The following PADI2 variants were observed in gnomAD, a reference collection of about 807,000 sequenced individuals.
PADI2 encodes the protein peptidyl arginine deiminase 2, also known as protein-arginine deiminase type-2.
In PADI2, 70 loss-of-function variants were observed where a neutral mutation model predicts 81.1. The ratio of observed to expected loss-of-function variants is 0.86; its 90% confidence interval spans 0.71 to 1.05. The LOEUF (loss-of-function observed/expected upper bound fraction) is 1.05. Among genes scored for constraint, PADI2 ranks in the 50% least tolerant of loss-of-function variants. The pLI is 0.00. For missense variants in PADI2, 853 were observed against 889.9 expected, an observed-to-expected ratio of 0.96 and a Z score of 0.53; for synonymous variants, 338 against 358.0, an observed-to-expected ratio of 0.94 and a Z score of 0.63.
Position 17,102,967 on chromosome 1 carries a change from C to A in PADI2, c.349+20G>T. ...GCCCTGGGTGATGAAGGCACTGAGA[C>A]GGCAACCATGCCAACTCACCAATGG... On this transcript the variant is annotated intron_variant, in intron 3 of 15. Coordinates refer to ENST00000375486, the MANE Select transcript of PADI2 (RefSeq NM_007365.3). The A allele has an allele frequency of 6.3e-7, 1 of 1,591,628 alleles. No homozygotes were observed. Among genetic ancestry groups the A allele is most frequent in the South Asian group, 1.1e-5 (1 of 89,724 alleles).
At chr1:17,096,048 T>C in intron 3 of PADI2, 78 bp from the exon 4 acceptor site, 1 of 1,089,032 alleles carries the variant, frequency 9.2e-7, no homozygotes. Context: ...ACCTGTGGGA[T>C]TTGGGTGCGT....
chr1:17,103,054 G>T lies in PADI2; in HGVS notation c.282C>A (p.Thr94=), dbSNP rs371303616. The change falls in exon 3 of 16, where the codon ACC becomes ACA. Residue 94 remains threonine, a synonymous_variant. Transcript: ENST00000375486. Reference sequence around the variant, plus strand: ...TCCCTTCCTCGTCATAGTAGTTGACGGTGACCTTGGTGGGGAGGGGGCACA... The same window carrying T: ...TCCCTTCCTCGTCATAGTAGTTGACTGTGACCTTGGTGGGGAGGGGGCACA... The part of the protein sequence containing the change: ...ASTEASSDKV[T]VNYYDEEGSI... The T allele has an allele frequency of 1.2e-6, 2 of 1,612,100 alleles. No individual in the cohort carries two copies. The highest frequency in any genetic ancestry group is 2.2e-5 in the East Asian group (1 of 44,852).
At chr1:17,092,315 C>G in intron 6 of PADI2, 93 bp downstream of exon 6, 1 of 1,084,648 alleles carries the variant, frequency 9.2e-7, no homozygotes, top group Non-Finnish European at 1.3e-6. Context: ...CAGGTCTTCC[C>G]CAGGCACCTG....
At position 17,079,919 on chromosome 1, in the gene PADI2, C is replaced by T. The variant is rs1016019953; in HGVS notation, c.1159-504G>A. On this transcript the variant is annotated intron_variant, in intron 10 of 15. Coordinates refer to ENST00000375486, the MANE Select transcript of PADI2 (RefSeq NM_007365.3). The stretch of plus-strand genomic sequence containing the variant: ...AGTGATTCTCCTGCCTCAGCCTCCC[C>T]AGTGGCTAGGATTATAGGCAAGCAC... 7.0e-4 allele frequency among the ~76,000 whole-genome samples: 107 copies of T among 151,788 alleles called. 1 individual carries two copies. Among genetic ancestry groups the T allele is most frequent in the African/African-American group, 2.5e-3 (104 of 41,288 alleles).
chr1:17,099,763 C>T (rs1339502989), intron 3 of PADI2, among the ~76,000 whole-genome samples: 2 of 152,320 alleles, frequency 1.3e-5, no homozygotes, highest in East Asian at 1.9e-4. Flanking sequence ...CACTCTGTGC[C>T]GGGCCCTTCG....
intron 10 of PADI2, among the ~76,000 whole-genome samples, chr1:17,080,010 C>T (rs2078332598): frequency 1.3e-5 from 2 of 152,064 alleles, no homozygotes; most frequent in Non-Finnish European, 2.9e-5. Flanking sequence ...AGGCTGGTCT[C>T]GAACTCCTGA....
chr1:17,101,403 G>A (rs1021107992), intron 3 of PADI2, among the ~76,000 whole-genome samples: 3 of 152,150 alleles, frequency 2.0e-5, no homozygotes, highest in Non-Finnish European at 4.4e-5. Flanking sequence ...GTCCTCAGGT[G>A]TCCCTATCTT....
intron 1 of PADI2, among the ~76,000 whole-genome samples, chr1:17,108,191 C>T (rs978107089): frequency 1.3e-5 from 2 of 152,192 alleles, no homozygotes; most frequent in African/African-American, 4.8e-5. Flanking sequence ...TCAGGTGATC[C>T]ACCCGCCTCG....
At position 17,107,340 on chromosome 1, in the gene PADI2, T is replaced by TGA. The variant is rs1394187975; in HGVS notation, c.93-2280_93-2279insTC. On this transcript the variant is annotated intron_variant, in intron 1 of 15. Transcript: ENST00000375486. ...TTGTAGATCCAGTCTCTGGAGAGGC[T>TGA]GGCTGGCATGGCAGAGGCTGAGGGT... Among the ~76,000 whole-genome samples the TGA allele has an allele frequency of 4.6e-5, 7 of 152,298 alleles. No individual in the cohort carries two copies. The South Asian group carries it at 1.0e-3, about 23-fold the overall frequency.
chr1:17,069,388 G>A lies in PADI2; in HGVS notation c.1765-111C>T, dbSNP rs2078248806. 4 of 805,698 alleles carry A rather than the reference G, an allele frequency of 5.0e-6. No individual in the cohort carries two copies. The African/African-American group carries it at 5.1e-5, about 10-fold the overall frequency. 49.9% of individuals were successfully genotyped at this position (805,698 alleles called of 1,614,324 possible). On this transcript the variant is annotated intron_variant, in intron 15 of 15. Transcript: ENST00000375486. ...ACGGCAACCCTGTGAAGTAGTAACT[G>A]TGATTGGATAGGGACGGAGTGGGGC...
At position 17,116,669 on chromosome 1, in the gene PADI2, G is replaced by A. The variant is rs1377786901; in HGVS notation, c.92+2611C>T. ...AAGAGCATGAGTTCTGAGTCAAACAGACCTGGACCTGAGTCCTGTGTGACT... is the reference window on the plus strand; with the variant it reads ...AAGAGCATGAGTTCTGAGTCAAACAAACCTGGACCTGAGTCCTGTGTGACT... On this transcript the variant is annotated intron_variant, in intron 1 of 15. Coordinates refer to ENST00000375486, the MANE Select transcript of PADI2 (RefSeq NM_007365.3). 2.0e-5 allele frequency among the ~76,000 whole-genome samples: 3 copies of A among 152,282 alleles called. No homozygotes were observed. In the East Asian group the frequency reaches 5.8e-4, roughly 29 times the overall value.
chr1:17,069,364 C>T lies in PADI2; in HGVS notation c.1765-87G>A, dbSNP rs149504433. The T allele has an allele frequency of 7.1e-4, 702 of 986,920 alleles. 8 individuals carry two copies. In the African/African-American group the frequency reaches 9.9e-3, roughly 14 times the overall value. 61.1% of individuals were successfully genotyped at this position (986,920 alleles called of 1,614,324 possible). A position where few individuals can be genotyped will look rare whatever the true frequency, so the allele number is the denominator to read the frequency against. On this transcript the variant is annotated intron_variant, in intron 15 of 15. Coordinates refer to ENST00000375486, the MANE Select transcript of PADI2 (RefSeq NM_007365.3). ...CTATCCTAAGCTCATGGAACCCTCA[C>T]GGCAACCCTGTGAAGTAGTAACTGT...
chr1:17,076,112 G>A (rs968248249), intron 11 of PADI2, among the ~76,000 whole-genome samples: 1 of 152,172 alleles, frequency 6.6e-6, no homozygotes, highest in African/African-American at 2.4e-5. Flanking sequence ...TTTTGTGTGC[G>A]GGAGTCCCAC....
At chr1:17,077,147 A>G (rs1445645656) in intron 11 of PADI2, among the ~76,000 whole-genome samples, 2 of 152,140 alleles carry the variant, frequency 1.3e-5, no homozygotes, top group Non-Finnish European at 2.9e-5. Flanking sequence ...CTTAACATCC[A>G]AGCCTCAACT....
chr1:17,103,090 G>A lies in PADI2; in HGVS notation c.277-31C>T, dbSNP rs747608395. 2.3e-5 allele frequency: 34 copies of A among 1,496,746 alleles called. No homozygotes were observed. In the South Asian group the frequency reaches 3.6e-4, roughly 16 times the overall value. 92.7% of individuals were successfully genotyped at this position (1,496,746 alleles called of 1,614,324 possible). A position where few individuals can be genotyped will look rare whatever the true frequency, so the allele number is the denominator to read the frequency against. ...TGGGGAGGGGGCACATTGGAGTAGA[G>A]AGAAAAGAGAGCAGAGATCACAGAT... On this transcript the variant is annotated intron_variant, in intron 2 of 15. Transcript: ENST00000375486.
chr1:17,103,007 C>CCCG lies in PADI2; in HGVS notation c.326_328dup (p.Ala109dup). On this transcript the variant is annotated inframe_insertion, in exon 3 of 16. Coordinates refer to ENST00000375486, the MANE Select transcript of PADI2 (RefSeq NM_007365.3). ...CTCACCAATGGCTGTGAGGAAGAGC[C>CCCG]CCGCCTGGTCGATGGGAATGCTCCC... 1 of 1,611,954 alleles carries CCCG rather than the reference C, an allele frequency of 6.2e-7. No homozygotes were observed. The highest frequency in any genetic ancestry group is 8.5e-7 in the Non-Finnish European group (1 of 1,178,968).
In PADI2 at chr1:17,067,007, G is replaced by A. The variant is rs1320318041; in HGVS notation, c.*2037C>T. ...TTATAGAAAGTGGGGGTGGGGAAGAGCCATGAGTCCACGGGGGTATATCCA... is the reference window on the plus strand; with the variant it reads ...TTATAGAAAGTGGGGGTGGGGAAGAACCATGAGTCCACGGGGGTATATCCA... On this transcript the variant is annotated 3_prime_UTR_variant, in exon 16 of 16. Coordinates refer to ENST00000375486, the MANE Select transcript of PADI2 (RefSeq NM_007365.3). 6.6e-6 allele frequency: 1 copy of A among 152,032 alleles called. No homozygotes were observed. Among genetic ancestry groups the A allele is most frequent in the Non-Finnish European group, 1.5e-5 (1 of 68,008 alleles). 9.4% of individuals were successfully genotyped at this position (152,032 alleles called of 1,614,324 possible).
At chr1:17,116,813 G>A (rs1221408809) in intron 1 of PADI2, among the ~76,000 whole-genome samples, 1 of 152,180 alleles carries the variant, frequency 6.6e-6, no homozygotes, top group East Asian at 1.9e-4. Flanking sequence ...CAGTTCCTAA[G>A]TGCCCACTAA....
intron 3 of PADI2, among the ~76,000 whole-genome samples, chr1:17,101,468 G>A (rs1379679982): frequency 6.6e-6 from 1 of 152,146 alleles, no homozygotes; most frequent in Non-Finnish European, 1.5e-5. Flanking sequence ...GATGCTGTGT[G>A]CATGCAAGGT....
Sources: gnomAD v4.1 joint callset for allele counts (sites outside exome capture counted in the v4.1 genomes callset) on GRCh38, gnomAD v4.1.1 for gene constraint, MANE v1.5 for transcripts, NCBI Gene and HGNC (gene_info 2026-07-23, HGNC 2026-07-21) for gene names.